Variants in RAI1 observed in about 807,000 individuals in gnomAD.
The protein encoded by RAI1 is retinoic acid induced 1, also known as retinoic acid-induced protein 1.
A neutral mutation model predicts 123.8 loss-of-function variants in RAI1; 9 were observed. That is an observed-to-expected ratio of 0.07 (90% confidence interval 0.04 to 0.13). The LOEUF is 0.13. RAI1 is among the 10% of genes least tolerant of loss of function. RAI1 has a pLI of 1.00. For missense variants in RAI1, 2,256 were observed against 2,545.8 expected (o/e 0.89, Z 2.45); for synonymous variants, 1,231 against 1,127.3 (o/e 1.09, Z -1.84).
At chr17:17,738,689 G>C (rs12938840) in intron 2 of RAI1, among the ~76,000 whole-genome samples, 2 of 152,132 alleles carry the variant, frequency 1.3e-5, no homozygotes, top group East Asian at 3.9e-4. Context: ...GTGTGTCTGA[G>C]CTCAGGCAAC....
At chr17:17,683,910 G>A (rs1914532653) in intron 1 of RAI1, 1 of 152,244 alleles carries the variant, frequency 6.6e-6, no homozygotes. Flanking sequence ...GTCTTGCTGT[G>A]TGGCCCAGGC....
Position 17,741,341 on chromosome 17 carries a change from C to A in RAI1, c.-17+17182C>A, listed in dbSNP as rs1026892459. ...TTAGTTACCAGCTCCTAATGACTCG[C>A]AGGGCGGGCTCGGCCACCTTCCTGA... On this transcript the variant is annotated intron_variant, in intron 2 of 5. Transcript: ENST00000353383. Among the ~76,000 whole-genome samples, 16 of 152,196 alleles carry A rather than the reference C, an allele frequency of 1.1e-4. 1 individual carries two copies. The highest frequency in any genetic ancestry group is 2.9e-5 in the Non-Finnish European group (2 of 68,034).
chr17:17,809,933 A>G lies in RAI1; in HGVS notation c.5710-37A>G. ...CGGGGCCTATGGACTGTGAAGTCCG[A>G]GGTCGTCGGTAACTGGCGGGCGGGC... On this transcript the variant is annotated intron_variant, in intron 5 of 5. Coordinates refer to ENST00000353383, the MANE Select transcript of RAI1 (RefSeq NM_030665.4). The surrounding 1 kb of genome is among the most constrained non-coding windows in gnomAD (Gnocchi z 4.9). The G allele has an allele frequency of 1.3e-6, 2 of 1,558,314 alleles. No individual in the cohort carries two copies. Among genetic ancestry groups the G allele is most frequent in the Non-Finnish European group, 1.7e-6 (2 of 1,152,750 alleles).
intron 2 of RAI1, among the ~76,000 whole-genome samples, chr17:17,724,887 C>T (rs1916027511): frequency 6.6e-6 from 1 of 152,146 alleles, no homozygotes; most frequent in South Asian, 2.1e-4. Context: ...CCCCTGGAGA[C>T]CCCTCCCCAC....
intron 2 of RAI1, among the ~76,000 whole-genome samples, chr17:17,738,094 G>C (rs1916496330): frequency 6.6e-6 from 1 of 152,118 alleles, no homozygotes. Context: ...AAGGGGGCCA[G>C]TATGGCATAG....
In RAI1 at chr17:17,760,983, CAG is replaced by C. The variant is rs200208562; in HGVS notation, c.-16-31949_-16-31948del. ...CAAGAACCTCCTAGAACTGCATACT[CAG>C]GGGATAGGCAGCTCATTCACAGTGA... On this transcript the variant is annotated intron_variant, in intron 2 of 5. Transcript: ENST00000353383. 1.4e-3 allele frequency among the ~76,000 whole-genome samples: 213 copies of C among 152,370 alleles called. 2 individuals are homozygous for C. Among genetic ancestry groups the C allele is most frequent in the East Asian group, 0.013 (70 of 5,192 alleles).
At chr17:17,753,696 T>C (rs141887406) in intron 2 of RAI1, among the ~76,000 whole-genome samples, 63 of 152,350 alleles carry the variant, frequency 4.1e-4, no homozygotes, top group African/African-American at 1.5e-3. Context: ...AATGCCCTTT[T>C]ATTCAAACTG....
intron 2 of RAI1, among the ~76,000 whole-genome samples, chr17:17,739,874 C>G (rs1051611322): frequency 6.6e-6 from 1 of 152,226 alleles, no homozygotes; most frequent in African/African-American, 2.4e-5. Context: ...CGGGGGCTGA[C>G]CTTGTCACCT....
rs1161280663 is a variant in RAI1 at position 17,780,414 on chromosome 17, G to C, written c.-16-12519G>C. Reference sequence around the variant, plus strand: ...AAAACCAGTTTTCTGAAATTTTCAGGGGGAACCAGGACCTCCTCGCCCATG... The same window carrying C: ...AAAACCAGTTTTCTGAAATTTTCAGCGGGAACCAGGACCTCCTCGCCCATG... On this transcript the variant is annotated intron_variant, in intron 2 of 5. Transcript: ENST00000353383. Among the ~76,000 whole-genome samples, 5 of 151,990 alleles carry C rather than the reference G, an allele frequency of 3.3e-5. No individual in the cohort carries two copies. In the East Asian group the frequency reaches 9.7e-4, roughly 29 times the overall value.
intron 2 of RAI1, among the ~76,000 whole-genome samples, chr17:17,767,566 C>T (rs2030986840): frequency 6.6e-6 from 1 of 152,186 alleles, no homozygotes; most frequent in Non-Finnish European, 1.5e-5. Context: ...TTGCATCCTG[C>T]CTTTTCCATT....
chr17:17,780,346 G>A (rs1051051157), intron 2 of RAI1, among the ~76,000 whole-genome samples: 13 of 152,146 alleles, frequency 8.5e-5, no homozygotes, highest in African/African-American at 2.2e-4. Flanking sequence ...GATTACAGGC[G>A]TGAGGCATCG....
chr17:17,717,954 G>T (rs1285483529), intron 1 of RAI1, among the ~76,000 whole-genome samples: 1 of 152,212 alleles, frequency 6.6e-6, no homozygotes, highest in Non-Finnish European at 1.5e-5. Context: ...ATGGCCTCCT[G>T]CAGTCAAGTA....
In RAI1 at chr17:17,714,192, C is replaced by T. The variant is rs1915645954; in HGVS notation, c.-148-9836C>T. ...GAAATCTGTCTTCCTGTTGCTTCCT[C>T]AGCTCCCTCTCTGAACCCCAGTTTC... On this transcript the variant is annotated intron_variant, in intron 1 of 5. Transcript: ENST00000353383. The surrounding 1 kb of genome is among the most constrained non-coding windows in gnomAD (Gnocchi z 4.9). 6.6e-6 allele frequency among the ~76,000 whole-genome samples: 1 copy of T among 152,170 alleles called. No individual in the cohort carries two copies. The highest frequency in any genetic ancestry group is 1.5e-5 in the Non-Finnish European group (1 of 68,020).
chr17:17,683,032 A>G (rs920255816), intron 1 of RAI1, among the ~76,000 whole-genome samples: 6 of 150,710 alleles, frequency 4.0e-5, no homozygotes, highest in Non-Finnish European at 5.9e-5. Flanking sequence ...TCAGGGACCC[A>G]CTCGGGATCT....
chr17:17,786,195 C>CG (rs986697949), intron 2 of RAI1, among the ~76,000 whole-genome samples: 5 of 152,118 alleles, frequency 3.3e-5, no homozygotes, highest in African/African-American at 1.2e-4. Context: ...TGCCAGGCCT[C>CG]GGGAAGATGT....
intron 2 of RAI1, among the ~76,000 whole-genome samples, chr17:17,790,635 A>G (rs1353774891): frequency 2.0e-5 from 3 of 152,250 alleles, no homozygotes; most frequent in Non-Finnish European, 2.9e-5. Context: ...AATAAAAAAT[A>G]AAGCCGTAGA....
chr17:17,807,928 G>A (rs2032626793), intron 4 of RAI1, among the ~76,000 whole-genome samples: 1 of 152,222 alleles, frequency 6.6e-6, no homozygotes, highest in Non-Finnish European at 1.5e-5. Context: ...GGAGACAAGG[G>A]CAGATCGCCT....
At chr17:17,744,991 C>T (rs1916775347) in intron 2 of RAI1, among the ~76,000 whole-genome samples, 1 of 152,016 alleles carries the variant, frequency 6.6e-6, no homozygotes. Context: ...GACCTTGAGC[C>T]CTGCTGTTAG....
rs558799937 is a variant in RAI1 at position 17,796,642 on chromosome 17, G to A, written c.3694G>A (p.Val1232Ile). ...AAGGAAGTCGGCCTTCATGGCGCCG[G>A]TCCCCACCAAGAAGCGGAACCTGGT... ...LKRKSAFMAP[V>I]PTKKRNLVLR... Residue 1232 changes from valine to isoleucine, a missense_variant, in exon 3 of 6, where the codon GTC becomes ATC. Val to Ile is a conservative substitution (Grantham distance 29). This residue lies in a region of RAI1 where 322 missense variants were observed against 358.0 expected (regional missense o/e 0.90). Coordinates refer to ENST00000353383, the MANE Select transcript of RAI1 (RefSeq NM_030665.4). The surrounding 1 kb of genome is among the most constrained non-coding windows in gnomAD (Gnocchi z 5.8). The A allele has an allele frequency of 1.2e-6, 2 of 1,612,200 alleles. No homozygotes were observed. Among genetic ancestry groups the A allele is most frequent in the African/African-American group, 2.7e-5 (2 of 75,020 alleles).
Sources: gnomAD v4.1 joint callset for allele counts (sites outside exome capture counted in the v4.1 genomes callset) on GRCh38, gnomAD v4.1.1 for gene constraint, gnomAD v4.1.1 regional missense constraint, Gnocchi (gnomAD v3.1) non-coding constraint, MANE v1.5 for transcripts, NCBI Gene and HGNC (gene_info 2026-07-23, HGNC 2026-07-21) for gene names.